The following RGS3 variants were observed in gnomAD, a reference collection of about 807,000 sequenced individuals.
The protein encoded by RGS3 is regulator of G-protein signalling 3.
In RGS3, 80 loss-of-function variants were observed where a neutral mutation model predicts 132.6. The observed-to-expected ratio is 0.60, with a 90% CI of 0.50 to 0.73. RGS3 has a LOEUF of 0.73. Among genes scored for constraint, RGS3 ranks in the 30% least tolerant of loss-of-function variants. The pLI, the probability that RGS3 is intolerant of heterozygous loss-of-function variation, is 0.00. For missense variants in RGS3, 1,382 were observed against 1,530.8 expected (o/e 0.90, Z 1.62); for synonymous variants, 598 against 620.6 (o/e 0.96, Z 0.54).
chr9:113,461,805 A>T, exon 2 of RGS3: 1 of 1,614,148 alleles, frequency 6.2e-7, no homozygotes, highest in Non-Finnish European at 8.5e-7. Flanking sequence ...GGAGCCCAAG[A>T]TAGTCTCCCC....
At chr9:113,589,622 G>A (rs757363546) in intron 20 of RGS3, among the ~76,000 whole-genome samples, 1 of 152,204 alleles carries the variant, frequency 6.6e-6, no homozygotes, top group African/African-American at 2.4e-5. Flanking sequence ...CCCAGGGCCC[G>A]AGGGCTCTTT....
chr9:113,479,369 T>C lies in RGS3; in HGVS notation c.416-122T>C. ...CTGAGGTCCCTGCCAGCCAGAGACT[T>C]GTGTGAGTCTTTGAATGGCTTCACA... On this transcript the variant is annotated intron_variant, in intron 3 of 24. Transcript: ENST00000350696. The C allele has an allele frequency of 4.0e-6, 4 of 987,770 alleles. No homozygotes were observed. The South Asian group carries it at 4.2e-5, about 10-fold the overall frequency. 61.2% of individuals were successfully genotyped at this position (987,770 alleles called of 1,614,324 possible).
At chr9:113,571,090 A>G (rs1834270531) in intron 19 of RGS3, among the ~76,000 whole-genome samples, 1 of 152,186 alleles carries the variant, frequency 6.6e-6, no homozygotes, top group Admixed American at 6.5e-5. Flanking sequence ...TATTTTGTTT[A>G]TTCTTGTTGC....
At chr9:113,459,736 CA>C (rs1005571292), upstream of RGS3, among the ~76,000 whole-genome samples, 1 of 149,160 alleles carries the variant, frequency 6.7e-6, no homozygotes, top group Non-Finnish European at 1.5e-5. Flanking sequence ...GATTCTGTTT[CA>C]AAAAAAATAA....
At chr9:113,485,543 G>T in intron 6 of RGS3, 82 bp from the exon 5 acceptor site, 1 of 1,065,132 alleles carries the variant, frequency 9.4e-7, no homozygotes, top group Non-Finnish European at 1.4e-6. Context: ...CACATTTTTG[G>T]AATTATGACT....
intron 17 of RGS3, among the ~76,000 whole-genome samples, chr9:113,528,247 T>C (rs752730656): frequency 8.5e-5 from 13 of 152,240 alleles, no homozygotes; most frequent in Non-Finnish European, 1.9e-4. Flanking sequence ...GTGAGACCCA[T>C]TGCACGGTCA....
At chr9:113,512,077 C>T (rs943084477) in intron 14 of RGS3, among the ~76,000 whole-genome samples, 5 of 152,118 alleles carry the variant, frequency 3.3e-5, no homozygotes, top group African/African-American at 1.2e-4. Flanking sequence ...CTGGGGCAAG[C>T]GAGGCAGCAA....
Position 113,553,459 on chromosome 9 carries a change from AATATATATATATAT to A in RGS3, c.2037+16560_2037+16573del, listed in dbSNP as rs1217293385. Among the ~76,000 whole-genome samples the A allele has an allele frequency of 3.1e-3, 184 of 58,688 alleles. 5 individuals carry two copies. The highest frequency in any genetic ancestry group is 0.013 in the African/African-American group (177 of 13,918). 38.5% of individuals were successfully genotyped at this position (58,688 alleles called of 152,430 possible). A position where few individuals can be genotyped will look rare whatever the true frequency, so the allele number is the denominator to read the frequency against. On this transcript the variant is annotated intron_variant, in intron 19 of 24. Coordinates refer to ENST00000350696, the Ensembl canonical transcript of RGS3. ...CTCTGTTTAAAAAAAAAAAAAAAAA[AATATATATATATAT>A]ATATATATATATATATATGTATATA...
At chr9:113,580,269 CA>C (rs779501380) in intron 19 of RGS3, among the ~76,000 whole-genome samples, 106 of 152,338 alleles carry the variant, frequency 7.0e-4, no homozygotes, top group Non-Finnish European at 8.5e-4. Flanking sequence ...GGTCCCCAAA[CA>C]CTTGTGTGTA....
At chr9:113,482,623 A>G (rs1830202496) in intron 4 of RGS3, among the ~76,000 whole-genome samples, 1 of 152,200 alleles carries the variant, frequency 6.6e-6, no homozygotes, top group Non-Finnish European at 1.5e-5. Context: ...CTGAGCCGGG[A>G]GTCAAGAGAC....
intron 19 of RGS3, among the ~76,000 whole-genome samples, chr9:113,562,650 G>A (rs553039663): frequency 2.6e-5 from 4 of 152,218 alleles, no homozygotes; most frequent in South Asian, 2.1e-4. Flanking sequence ...CTGAGTACCC[G>A]GGTGCTGACC....
In RGS3 at chr9:113,549,490, G is replaced by A. The variant is rs376956779; in HGVS notation, c.2037+12572G>A. 1.1e-4 allele frequency among the ~76,000 whole-genome samples: 17 copies of A among 151,654 alleles called. No homozygotes were observed. The East Asian group carries it at 2.3e-3, about 21-fold the overall frequency. On this transcript the variant is annotated intron_variant, in intron 19 of 24. Transcript: ENST00000350696. ...TTGACTTTTTTTTTGTTGTATTGTT[G>A]CAAAAGTAATCCATGTGATTGATGT...
exon 2 of RGS3, chr9:113,461,779 G>A (rs1218834690): frequency 1.2e-6 from 2 of 1,614,054 alleles, no homozygotes; most frequent in African/African-American, 1.3e-5. Flanking sequence ...GTACCTGCAG[G>A]TTGCTCACAG....
intron 14 of RGS3, among the ~76,000 whole-genome samples, chr9:113,510,727 A>C (rs1266531727): frequency 2.0e-5 from 3 of 152,224 alleles, no homozygotes; most frequent in African/African-American, 7.2e-5. Flanking sequence ...CCATGGGGAA[A>C]GGGACAAGTG....
chr9:113,478,377 C>G (rs1830060314), intron 3 of RGS3, among the ~76,000 whole-genome samples: 1 of 152,096 alleles, frequency 6.6e-6, no homozygotes, highest in African/African-American at 2.4e-5. Context: ...ATTGAAATTC[C>G]TCTTGACTAC....
At chr9:113,575,252 C>T (rs1834460132) in intron 19 of RGS3, among the ~76,000 whole-genome samples, 1 of 152,170 alleles carries the variant, frequency 6.6e-6, no homozygotes, top group Non-Finnish European at 1.5e-5. Context: ...CCTCGTGTCT[C>T]CTCTTTCCTC....
chr9:113,572,430 G>C (rs1487507339), intron 19 of RGS3, among the ~76,000 whole-genome samples: 2 of 152,054 alleles, frequency 1.3e-5, no homozygotes. Context: ...CTGAGGCTCG[G>C]GAGGGTGACC....
chr9:113,480,944 G>A lies in RGS3; in HGVS notation c.466+1403G>A, dbSNP rs568790102. On this transcript the variant is annotated intron_variant, in intron 4 of 24. Coordinates refer to ENST00000350696, the Ensembl canonical transcript of RGS3. Reference sequence around the variant, plus strand: ...GCCTCCCTGGCTCTTGCCGCTGACGGTACCCTCCACCTCCAGCTCTATCCA... The same window carrying A: ...GCCTCCCTGGCTCTTGCCGCTGACGATACCCTCCACCTCCAGCTCTATCCA... Among the ~76,000 whole-genome samples the A allele has an allele frequency of 4.6e-5, 7 of 152,272 alleles. No individual in the cohort carries two copies. In the South Asian group the frequency reaches 1.5e-3, roughly 32 times the overall value.
At chr9:113,546,675 C>T (rs956493760) in intron 19 of RGS3, among the ~76,000 whole-genome samples, 5 of 152,174 alleles carry the variant, frequency 3.3e-5, no homozygotes, top group African/African-American at 1.2e-4. Flanking sequence ...GAGACCAGAG[C>T]ATGGATCTGC....
Sources: allele counts gnomAD v4.1 joint callset (sites outside exome capture counted in the v4.1 genomes callset), GRCh38; gene constraint gnomAD v4.1.1; transcripts MANE v1.5; gene names NCBI Gene and HGNC (gene_info 2026-07-23, HGNC 2026-07-21).